The following SPAG16 variants were observed in gnomAD, a reference collection of about 807,000 sequenced individuals.
The protein encoded by SPAG16 is sperm-associated antigen 16 protein.
In SPAG16, 86 loss-of-function variants were observed where a neutral mutation model predicts 80.4. The ratio of observed to expected loss-of-function variants is 1.07; its 90% CI spans 0.90 to 1.28. The LOEUF (loss-of-function observed/expected upper bound fraction) is 1.28. Ranked by LOEUF, SPAG16 falls within the 50% of genes most tolerant of loss-of-function variation. The pLI, the probability that SPAG16 is intolerant of heterozygous loss-of-function variation, is 0.00. For missense variants in SPAG16, 870 were observed against 765.3 expected, an observed-to-expected ratio of 1.14 and a Z score of -1.61; for synonymous variants, 294 against 265.9, an observed-to-expected ratio of 1.11 and a Z score of -1.03.
At chr2:213,658,599 G>A (rs575293034) in intron 10 of SPAG16, among the ~76,000 whole-genome samples, 1 of 152,300 alleles carries the variant, frequency 6.6e-6, no homozygotes, top group Admixed American at 6.5e-5. Flanking sequence ...GGCAACTGAG[G>A]TAGTGAAAGG....
intron 10 of SPAG16, among the ~76,000 whole-genome samples, chr2:213,774,432 C>T (rs532455269): frequency 2.0e-5 from 3 of 152,246 alleles, no homozygotes; most frequent in Middle Eastern, 3.4e-3. Flanking sequence ...TGGCATTTTT[C>T]GTGTGTCTGT....
intron 15 of SPAG16, among the ~76,000 whole-genome samples, chr2:214,350,929 A>G (rs1173053465): frequency 6.6e-6 from 1 of 152,130 alleles, no homozygotes; most frequent in Non-Finnish European, 1.5e-5. Context: ...TTGCCCCAAA[A>G]CATCAGCTAA....
At chr2:213,354,350 T>C (rs1164428463) in intron 7 of SPAG16, among the ~76,000 whole-genome samples, 1 of 152,236 alleles carries the variant, frequency 6.6e-6, no homozygotes, top group Non-Finnish European at 1.5e-5. Flanking sequence ...TAAACATACA[T>C]GTGCATGTAT....
At chr2:213,462,764 A>G (rs1057074655) in intron 9 of SPAG16, among the ~76,000 whole-genome samples, 7 of 152,214 alleles carry the variant, frequency 4.6e-5, no homozygotes, top group African/African-American at 1.7e-4. Context: ...CTGTGAGTCA[A>G]TTAAACCTCT....
At chr2:214,372,392 C>T (rs781100687) in intron 15 of SPAG16, among the ~76,000 whole-genome samples, 1 of 152,118 alleles carries the variant, frequency 6.6e-6, no homozygotes, top group Non-Finnish European at 1.5e-5. Context: ...TAAACAAGAT[C>T]AGACTTTCTT....
chr2:213,330,288 C>T (rs983519555), intron 5 of SPAG16, among the ~76,000 whole-genome samples: 3 of 152,210 alleles, frequency 2.0e-5, no homozygotes, highest in Admixed American at 6.5e-5. Flanking sequence ...ACACTAAACA[C>T]CAGCCCATGA....
chr2:213,369,347 G>A (rs888391061), intron 8 of SPAG16, among the ~76,000 whole-genome samples: 1 of 152,148 alleles, frequency 6.6e-6, no homozygotes, highest in African/African-American at 2.4e-5. Flanking sequence ...AATTTCCTCA[G>A]AAGAAAAGTG....
chr2:213,459,598 C>T (rs1279046071), intron 9 of SPAG16, among the ~76,000 whole-genome samples: 1 of 152,196 alleles, frequency 6.6e-6, no homozygotes, highest in Non-Finnish European at 1.5e-5. Flanking sequence ...GAACCCATTT[C>T]TTGGAAGGTC....
intron 10 of SPAG16, among the ~76,000 whole-genome samples, chr2:213,819,154 A>C (rs1487978321): frequency 6.6e-6 from 1 of 152,202 alleles, no homozygotes; most frequent in African/African-American, 2.4e-5. Context: ...ATATTGAATA[A>C]CATTGTTATT....
At chr2:213,317,722 G>T in intron 5 of SPAG16, 1 of 987,808 alleles carries the variant, frequency 1.0e-6, no homozygotes, top group Non-Finnish European at 1.2e-6. Flanking sequence ...GAAATTGCTA[G>T]TTTATTCCTG....
chr2:213,321,549 T>C (rs1435903208), intron 5 of SPAG16, among the ~76,000 whole-genome samples: 1 of 152,088 alleles, frequency 6.6e-6, no homozygotes, highest in East Asian at 1.9e-4. Flanking sequence ...ATCACATCAT[T>C]AATATTTTTT....
chr2:213,654,138 T>TA (rs1310137115), intron 10 of SPAG16, among the ~76,000 whole-genome samples: 1 of 152,172 alleles, frequency 6.6e-6, no homozygotes, highest in Admixed American at 6.5e-5. Context: ...AATGGAGTAA[T>TA]AAAAACCTCT....
intron 10 of SPAG16, among the ~76,000 whole-genome samples, chr2:213,601,949 A>C (rs1331599792): frequency 6.6e-6 from 1 of 152,236 alleles, no homozygotes; most frequent in Admixed American, 6.5e-5. Context: ...ACCTGAAGTC[A>C]TCAGGCATTG....
intron 15 of SPAG16, among the ~76,000 whole-genome samples, chr2:214,206,233 A>G (rs373626795): frequency 2.6e-5 from 4 of 152,120 alleles, no homozygotes; most frequent in African/African-American, 9.6e-5. Context: ...TCTCCCCTCT[A>G]GCTGTATTTT....
At chr2:213,952,548 G>A (rs2079843629) in intron 12 of SPAG16, among the ~76,000 whole-genome samples, 1 of 152,054 alleles carries the variant, frequency 6.6e-6, no homozygotes. Flanking sequence ...TTTGTCTGAA[G>A]AGAACATAGA....
chr2:213,373,849 G>C (rs561922156), intron 8 of SPAG16, among the ~76,000 whole-genome samples: 1 of 152,326 alleles, frequency 6.6e-6, no homozygotes, highest in South Asian at 2.1e-4. Context: ...AAAGATCAAT[G>C]AGGCATGAAT....
intron 9 of SPAG16, among the ~76,000 whole-genome samples, chr2:213,438,219 A>C (rs552786251): frequency 6.6e-6 from 1 of 152,318 alleles, no homozygotes; most frequent in Non-Finnish European, 1.5e-5. Flanking sequence ...TACCAGAAAA[A>C]GTGGTAACCT....
In SPAG16 at chr2:214,045,385, A is replaced by G. The variant is rs907365216; in HGVS notation, c.1527+31308A>G. ...AGCTCTTGGGCCCTGAATAATCAGC[A>G]GCAATATCCAGGTTGTATGCCATTG... On this transcript the variant is annotated intron_variant, in intron 13 of 15. Coordinates refer to ENST00000331683, the MANE Select transcript of SPAG16 (RefSeq NM_024532.5). Among the ~76,000 whole-genome samples the G allele has an allele frequency of 2.0e-5, 3 of 152,182 alleles. No individual in the cohort carries two copies. The East Asian group carries it at 5.8e-4, about 29-fold the overall frequency.
At chr2:213,831,966 A>G (rs112540387) in intron 10 of SPAG16, among the ~76,000 whole-genome samples, 3 of 151,940 alleles carry the variant, frequency 2.0e-5, no homozygotes, top group Non-Finnish European at 4.4e-5. Flanking sequence ...ATTGCCTCTG[A>G]AAAGGAAATT....
Sources: allele counts gnomAD v4.1 joint callset (sites outside exome capture counted in the v4.1 genomes callset), GRCh38; gene constraint gnomAD v4.1.1; transcripts MANE v1.5; gene names NCBI Gene and HGNC (gene_info 2026-07-23, HGNC 2026-07-21).